Variants in ALKBH6 observed in about 807,000 individuals in gnomAD.
ALKBH6 encodes the protein alkB homolog 6, nucleotide demethylase.
A neutral mutation model predicts 25.1 loss-of-function variants in ALKBH6; 20 were observed. The ratio of observed to expected loss-of-function variants is 0.80; its 90% CI spans 0.56 to 1.16. The LOEUF (loss-of-function observed/expected upper bound fraction) is 1.16. Ranked by LOEUF, ALKBH6 falls within the 50% of genes most tolerant of loss-of-function variation. The probability of loss-of-function intolerance (pLI) is 0.00; values close to 1 mark genes in which losing one functional copy is unlikely to be tolerated. For missense variants in ALKBH6, 263 were observed against 326.5 expected (o/e 0.81, Z 1.50); for synonymous variants, 156 against 147.5 (o/e 1.06, Z -0.42).
Position 36,014,188 on chromosome 19 carries a change from C to A in ALKBH6, c.-39G>T, listed in dbSNP as rs777790588. On this transcript the variant is annotated 5_prime_UTR_variant, in exon 1 of 7. Coordinates refer to ENST00000378875, the MANE Select transcript of ALKBH6 (RefSeq NM_032878.5). ...CCCAAAACTGACCGTCCACCAGCGT[C>A]CCCTCCAATTTCCAAATTCAACATC... 9.9e-6 allele frequency: 16 copies of A among 1,612,478 alleles called. No individual in the cohort carries two copies. The South Asian group carries it at 1.2e-4, about 12-fold the overall frequency.
rs1168160773 is a variant in ALKBH6 at position 36,013,857 on chromosome 19, T to C, written c.-26+318A>G. On this transcript the variant is annotated intron_variant, in intron 1 of 6. Coordinates refer to ENST00000378875, the MANE Select transcript of ALKBH6 (RefSeq NM_032878.5). The surrounding 1 kb of genome is among the most constrained non-coding windows in gnomAD (Gnocchi z 4.6). ...TCAGCGACCCCCGCCCCCCACCGAA[T>C]CCCATTCTGTGCACTCCTGTGACCC... 4 of 1,222,496 alleles carry C rather than the reference T, an allele frequency of 3.3e-6. No homozygotes were observed. Among genetic ancestry groups the C allele is most frequent in the Non-Finnish European group, 4.1e-6 (4 of 975,488 alleles). 75.7% of individuals were successfully genotyped at this position (1,222,496 alleles called of 1,614,324 possible).
chr19:36,011,171 G>T, intron 4 of ALKBH6, 126 bp from the exon 5 acceptor site: 1 of 1,340,802 alleles, frequency 7.5e-7, no homozygotes, highest in Non-Finnish European at 1.0e-6. Context: ...TAGCCACTGG[G>T]TCCTTCAGAG....
chr19:36,010,754 T>G lies in ALKBH6; in HGVS notation c.337-71A>C. ...CCCACCCTCTGGGTCAAAGGGGGGC[T>G]TCCCAAGCCAGGGACAGGGAGGTGA... On this transcript the variant is annotated intron_variant, in intron 5 of 6. Transcript: ENST00000378875. The surrounding 1 kb of genome is among the most constrained non-coding windows in gnomAD (Gnocchi z 5.5). 1 of 1,573,338 alleles carries G rather than the reference T, an allele frequency of 6.4e-7. No individual in the cohort carries two copies. Among genetic ancestry groups the G allele is most frequent in the Non-Finnish European group, 8.7e-7 (1 of 1,145,064 alleles).
Position 36,013,446 on chromosome 19 carries a change from G to A in ALKBH6, c.-25-24C>T. ...TCCTGTAGGGAGGGGAGGACATACT[G>A]AAGTCACTAGGCCTCCCGCCCTAAC... On this transcript the variant is annotated intron_variant, in intron 1 of 6. Transcript: ENST00000378875. This position sits in a 1 kb window ranked among gnomAD's most constrained non-coding sequence, Gnocchi z 4.6. 1 of 1,613,260 alleles carries A rather than the reference G, an allele frequency of 6.2e-7. No homozygotes were observed. The highest frequency in any genetic ancestry group is 1.7e-4 in the Middle Eastern group (1 of 6,054).
In ALKBH6 at chr19:36,010,351, C is replaced by T. The variant is rs1042445044; in HGVS notation, c.453+216G>A. The T allele has an allele frequency of 8.0e-5, 47 of 589,896 alleles. No individual in the cohort carries two copies. The highest frequency in any genetic ancestry group is 1.2e-4 in the Non-Finnish European group (41 of 328,304). The allele number at this position is 589,896 out of a possible 1,614,324, so 36.5% of individuals were successfully genotyped here. Reference sequence around the variant, plus strand: ...GTATCCATTCAGCAGGTTGGGGCATCGGGGAGCCTGTGAAAATCATGGCAT... The same window carrying T: ...GTATCCATTCAGCAGGTTGGGGCATTGGGGAGCCTGTGAAAATCATGGCAT... On this transcript the variant is annotated intron_variant, in intron 6 of 6. Coordinates refer to ENST00000378875, the MANE Select transcript of ALKBH6 (RefSeq NM_032878.5). The surrounding 1 kb of genome is among the most constrained non-coding windows in gnomAD (Gnocchi z 5.5).
chr19:36,010,912 C>A lies in ALKBH6; in HGVS notation c.318G>T (p.Leu106=), dbSNP rs908047721. ...PANHVLVNQY[L]PGEGIMPHED... Reference sequence around the variant, plus strand: ...TGGTTACCATGATGCCCTCCCCAGGCAGATACTGGTTCACGAGGACATGGT... The same window carrying A: ...TGGTTACCATGATGCCCTCCCCAGGAAGATACTGGTTCACGAGGACATGGT... Residue 106 remains leucine (L), a synonymous_variant, in exon 5 of 7, where the codon CTG becomes CTT. Coordinates refer to ENST00000378875, the MANE Select transcript of ALKBH6 (RefSeq NM_032878.5). This position sits in a 1 kb window ranked among gnomAD's most constrained non-coding sequence, Gnocchi z 5.5. The A allele has an allele frequency of 2.5e-6, 4 of 1,613,850 alleles. No individual in the cohort carries two copies. In the African/African-American group the frequency reaches 5.3e-5, roughly 22 times the overall value.
In ALKBH6 at chr19:36,013,203, G is replaced by A; in HGVS notation, c.55-114C>T. The A allele has an allele frequency of 6.9e-7, 1 of 1,440,354 alleles. No individual in the cohort carries two copies. The highest frequency in any genetic ancestry group is 1.2e-5 in the South Asian group (1 of 85,386). The allele number at this position is 1,440,354 out of a possible 1,614,324, so 89.2% of individuals were successfully genotyped here. On this transcript the variant is annotated intron_variant, in intron 2 of 6. Coordinates refer to ENST00000378875, the MANE Select transcript of ALKBH6 (RefSeq NM_032878.5). This position sits in a 1 kb window ranked among gnomAD's most constrained non-coding sequence, Gnocchi z 4.6. ...GCTCAGGATGTCCTCAGACAGGTCAGGGTCTAAAGTCAAGGGACCAGTGCC... is the reference window on the plus strand; with the variant it reads ...GCTCAGGATGTCCTCAGACAGGTCAAGGTCTAAAGTCAAGGGACCAGTGCC...
chr19:36,010,722 C>T lies in ALKBH6; in HGVS notation c.337-39G>A, dbSNP rs1235492449. 6.3e-7 allele frequency: 1 copy of T among 1,594,466 alleles called. No individual in the cohort carries two copies. Among genetic ancestry groups the T allele is most frequent in the South Asian group, 1.1e-5 (1 of 90,498 alleles). On this transcript the variant is annotated intron_variant, in intron 5 of 6. Transcript: ENST00000378875. The surrounding 1 kb of genome is among the most constrained non-coding windows in gnomAD (Gnocchi z 5.5). ...ACCAGGGCTGGGCAGGGCAGGAGTC[C>T]ACAACCCCCACCCTCTGGGTCAAAG...
At chr19:36,014,028 C>G in intron 1 of ALKBH6, 147 bp downstream of exon 1, 3 of 1,479,560 alleles carry the variant, frequency 2.0e-6, no homozygotes, top group Non-Finnish European at 2.7e-6. Flanking sequence ...ATCTTCTTCC[C>G]TCCCTGAACC....
intron 4 of ALKBH6, 104 bp downstream of exon 4, chr19:36,011,300 T>C (rs757388844): frequency 7.0e-7 from 1 of 1,433,936 alleles, no homozygotes. Flanking sequence ...TTGGGGCCCC[T>C]TGAGCTGTCA....
chr19:36,011,587 T>G, intron 3 of ALKBH6, 123 bp from the exon 4 acceptor site: 5 of 1,055,966 alleles, frequency 4.7e-6, no homozygotes, highest in Non-Finnish European at 5.6e-6. Context: ...TGTGGGACCA[T>G]TCCCTGGGGC....
chr19:36,011,407 A>G lies in ALKBH6; in HGVS notation c.181T>C (p.Trp61Arg). The G allele has an allele frequency of 6.2e-7, 1 of 1,612,902 alleles. No homozygotes were observed. Among genetic ancestry groups the G allele is most frequent in the Non-Finnish European group, 8.5e-7 (1 of 1,179,896 alleles). The change falls in exon 4 of 7, where the codon TGG (tryptophan) becomes CGG (arginine). Residue 61 changes from tryptophan (W) to arginine (R), a missense_variant. This residue lies in a region of ALKBH6 where 112 missense variants were observed against 153.0 expected (regional missense o/e 0.73). Transcript: ENST00000378875. Reference protein sequence around the residue: ...TQLSGRKLQNWGGLPHPRGMV... With the variant: ...TQLSGRKLQNRGGLPHPRGMV... ...GCCCCCAGCCAGGGATACTTACCCC[A>G]GTTCTGTAACTTTCTCCCAGAGAGC...
Position 36,009,148 on chromosome 19 carries a change from G to A in ALKBH6, c.*142C>T. The A allele has an allele frequency of 1.7e-6, 2 of 1,168,358 alleles. No homozygotes were observed. Among genetic ancestry groups the A allele is most frequent in the South Asian group, 4.2e-5 (1 of 23,784 alleles). 72.4% of individuals were successfully genotyped at this position (1,168,358 alleles called of 1,614,324 possible). A position where few individuals can be genotyped will look rare whatever the true frequency, so the allele number is the denominator to read the frequency against. On this transcript the variant is annotated 3_prime_UTR_variant, in exon 7 of 7. Transcript: ENST00000378875. The stretch of plus-strand genomic sequence containing the variant: ...AGATTTTTTTGTTTATTTGGTATGG[G>A]GTCTTCTGTAGCTCACACAAAATTA...
At position 36,009,451 on chromosome 19, in the gene ALKBH6, CGGCG is replaced by C; in HGVS notation, c.552_555del (p.Ile184MetfsTer5). The C allele has an allele frequency of 8.0e-7, 1 of 1,245,702 alleles. No homozygotes were observed. The highest frequency in any genetic ancestry group is 1.0e-6 in the Non-Finnish European group (1 of 996,862). 77.2% of individuals were successfully genotyped at this position (1,245,702 alleles called of 1,614,324 possible). ...GCGTCCAGCGCGTCTACGCGGGCGG[CGGCG>C]ATGCCGTGGAGAAGACGCGTGTAGG... On this transcript the variant is annotated frameshift_variant, in exon 7 of 7. Coordinates refer to ENST00000378875, the MANE Select transcript of ALKBH6 (RefSeq NM_032878.5). LOFTEE classifies it high-confidence loss of function.
In ALKBH6 at chr19:36,010,396, AGC is replaced by A; in HGVS notation, c.453+169_453+170del. The A allele has an allele frequency of 1.5e-6, 1 of 669,274 alleles. No individual in the cohort carries two copies. The highest frequency in any genetic ancestry group is 2.7e-6 in the Non-Finnish European group (1 of 374,288). 41.5% of individuals were successfully genotyped at this position (669,274 alleles called of 1,614,324 possible). A position where few individuals can be genotyped will look rare whatever the true frequency, so the allele number is the denominator to read the frequency against. On this transcript the variant is annotated intron_variant, in intron 6 of 6. Transcript: ENST00000378875. This position sits in a 1 kb window ranked among gnomAD's most constrained non-coding sequence, Gnocchi z 5.5. ...TGGCATGTGGGACAGACACCCTGTA[AGC>A]AGATGGGTTGGGTGTCTGGGAGGAA...
Position 36,009,310 on chromosome 19 carries a change from C to A in ALKBH6, c.697G>T (p.Gly233Cys). The A allele has an allele frequency of 7.3e-7, 1 of 1,361,032 alleles. No homozygotes were observed. Among genetic ancestry groups the A allele is most frequent in the Non-Finnish European group, 9.5e-7 (1 of 1,054,008 alleles). 84.3% of individuals were successfully genotyped at this position (1,361,032 alleles called of 1,614,324 possible). Residue 233 changes from glycine (G) to cysteine (C), a missense_variant, in exon 7 of 7, where the codon GGC becomes TGC. Transcript: ENST00000378875. ...GGCGGTCACTTGCCCAGCAGGAGGC[C>A]GGCGCGCAGCACGCGGGGCACGCGG... ...IRRVPRVLRA[G>C]LLLGK
intron 4 of ALKBH6, 90 bp from the exon 5 acceptor site, chr19:36,011,135 C>A: frequency 6.7e-7 from 1 of 1,496,136 alleles, no homozygotes; most frequent in South Asian, 1.2e-5. Context: ...CCCTGATCCT[C>A]TCAGGGACCC....
At chr19:36,011,883 C>T (rs758625576) in intron 3 of ALKBH6, 2 of 158,712 alleles carry the variant, frequency 1.3e-5, no homozygotes, top group Non-Finnish European at 2.8e-5. Context: ...GTCAGGAGCT[C>T]GAGACCAGCC....
Position 36,011,426 on chromosome 19 carries a change from A to T in ALKBH6, c.162T>A (p.Ser54=). ...TACCCCAGTTCTGTAACTTTCTCCC[A>T]GAGAGCTGGGTCCACTTTGGCTTTG... The part of the protein sequence containing the change: ...NAPKPKWTQL[S]GRKLQNWGGL... The change falls in exon 4 of 7, where the codon TCT becomes TCA. Residue 54 remains serine (S), a synonymous_variant. Coordinates refer to ENST00000378875, the MANE Select transcript of ALKBH6 (RefSeq NM_032878.5). 1 of 1,613,414 alleles carries T rather than the reference A, an allele frequency of 6.2e-7. No individual in the cohort carries two copies. Among genetic ancestry groups the T allele is most frequent in the South Asian group, 1.1e-5 (1 of 91,016 alleles).
Sources: allele counts gnomAD v4.1 joint callset, GRCh38; gene constraint gnomAD v4.1.1; regional missense constraint gnomAD v4.1.1; non-coding constraint Gnocchi (gnomAD v3.1); transcripts MANE v1.5; gene names NCBI Gene and HGNC (gene_info 2026-07-23, HGNC 2026-07-21).